The following SPEF1 variants were observed in gnomAD, a reference collection of about 807,000 sequenced individuals.
SPEF1 encodes sperm flagellar and cilia associated 1, also known as sperm flagella and cilia-associated protein 1.
SPEF1 carries 30 observed loss-of-function variants against 31.8 expected under a neutral mutation model. The ratio of observed to expected loss-of-function variants is 0.94; its 90% CI spans 0.70 to 1.28. The LOEUF is 1.28. Among genes scored for constraint, SPEF1 ranks in the 50% most tolerant of loss-of-function variants. The probability of loss-of-function intolerance (pLI) is 0.00; values close to 1 mark genes in which losing one functional copy is unlikely to be tolerated. For synonymous variants in SPEF1, 126 were observed against 130.1 expected, an observed-to-expected ratio of 0.97 and a Z score of 0.21; for missense variants, 298 against 309.6, an observed-to-expected ratio of 0.96 and a Z score of 0.28.
intron 6 of SPEF1, 27 bp downstream of exon 6, chr20:3,778,394 C>A: frequency 6.2e-7 from 1 of 1,613,872 alleles, no homozygotes; most frequent in Non-Finnish European, 8.5e-7. Context: ...CGCGAGCCCC[C>A]ACCCGCAGCC....
At chr20:3,779,388 T>G in intron 2 of SPEF1, 36 bp from the exon 3 acceptor site, 3 of 1,553,266 alleles carry the variant, frequency 1.9e-6, no homozygotes, top group Non-Finnish European at 2.6e-6. Context: ...GATTGGGTCC[T>G]GGGGAAATGA....
chr20:3,779,595 A>C (rs895044897), intron 2 of SPEF1, 69 bp downstream of exon 2: 12 of 1,206,606 alleles, frequency 9.9e-6, no homozygotes, highest in Admixed American at 1.7e-5. Context: ...CCACCCTGCC[A>C]CCAAAACAGT....
rs2088754564 is a variant in SPEF1 at position 3,777,941 on chromosome 20, G to A, written c.*271C>T. On this transcript the variant is annotated 3_prime_UTR_variant, in exon 7 of 7. Coordinates refer to ENST00000379756, the MANE Select transcript of SPEF1 (RefSeq NM_015417.5). This position sits in a 1 kb window ranked among gnomAD's most constrained non-coding sequence, Gnocchi z 4.1. ...GGGACAGGCTAGGTCTCTGCACGTG[G>A]CTTCTGGGCTCTGGAAAGCGGTCCA... The A allele has an allele frequency of 2.3e-6, 1 of 438,004 alleles. No homozygotes were observed. Among genetic ancestry groups the A allele is most frequent in the African/African-American group, 2.1e-5 (1 of 48,040 alleles). 27.1% of individuals were successfully genotyped at this position (438,004 alleles called of 1,614,324 possible). A position where few individuals can be genotyped will look rare whatever the true frequency, so the allele number is the denominator to read the frequency against.
chr20:3,779,216 G>C lies in SPEF1; in HGVS notation c.358C>G (p.Gln120Glu). ...GGCACCTGTAAGGAGCCGGCGCCCT[G>C]CTTCCTGCGCCTCTGCCTCTCCTCC... ...RLEERQRRRK[Q>E]GAGSLQELAP... Residue 120 changes from glutamine (Q) to glutamate (E), a missense_variant, in exon 3 of 7, where the codon CAG (glutamine) becomes GAG (glutamate). Coordinates refer to ENST00000379756, the MANE Select transcript of SPEF1 (RefSeq NM_015417.5). The C allele has an allele frequency of 6.3e-7, 1 of 1,579,146 alleles. No homozygotes were observed. The highest frequency in any genetic ancestry group is 8.6e-7 in the Non-Finnish European group (1 of 1,160,366).
intron 1 of SPEF1, 80 bp downstream of exon 1, chr20:3,781,099 A>G: frequency 1.9e-6 from 3 of 1,576,016 alleles, no homozygotes; most frequent in East Asian, 4.5e-5. Context: ...CCACAAGCAC[A>G]CAAACACAAA....
intron 2 of SPEF1, 89 bp from the exon 3 acceptor site, chr20:3,779,441 G>T: frequency 8.3e-7 from 1 of 1,200,764 alleles, no homozygotes; most frequent in Non-Finnish European, 1.2e-6. Flanking sequence ...GGTGGTTGCT[G>T]TTCTGAGTGT....
Position 3,779,336 on chromosome 20 carries a change from G to A in SPEF1, c.238C>T (p.Leu80=), listed in dbSNP as rs1382648758. The part of the protein sequence containing the change: ...GHLNRKVLKR[L]NFSVPDDVMR... ...ACGTCATCCGGTACTGAAAAGTTCA[G>A]CCTCTTCAGTACCTTCCTGAGGGGT... The change falls in exon 3 of 7, where the codon CTG becomes TTG. Residue 80 remains leucine, a synonymous_variant. Coordinates refer to ENST00000379756, the MANE Select transcript of SPEF1 (RefSeq NM_015417.5). The A allele has an allele frequency of 6.3e-7, 1 of 1,598,404 alleles. No individual in the cohort carries two copies. Among genetic ancestry groups the A allele is most frequent in the Admixed American group, 1.7e-5 (1 of 58,620 alleles).
At chr20:3,779,092 C>T (rs1389392742) in intron 3 of SPEF1, 102 bp from the exon 4 acceptor site, 1 of 1,583,134 alleles carries the variant, frequency 6.3e-7, no homozygotes, top group East Asian at 2.3e-5. Context: ...ATTAGCCAAG[C>T]ACCCCTCCCC....
In SPEF1 at chr20:3,778,550, G is replaced by C; in HGVS notation, c.480-6C>G. ...GCGCCGGCGGCCGGTCCCAGCTGGGGTGGGAAGCAGCTTAGCGGAGGCTTG... is the reference window on the plus strand; with the variant it reads ...GCGCCGGCGGCCGGTCCCAGCTGGGCTGGGAAGCAGCTTAGCGGAGGCTTG... On this transcript the variant is annotated splice_polypyrimidine_tract_variant and splice_region_variant and intron_variant, in intron 5 of 6. Coordinates refer to ENST00000379756, the MANE Select transcript of SPEF1 (RefSeq NM_015417.5). The C allele has an allele frequency of 6.2e-7, 1 of 1,604,634 alleles. No homozygotes were observed. The highest frequency in any genetic ancestry group is 8.5e-7 in the Non-Finnish European group (1 of 1,177,340).
rs1352880535 is a variant in SPEF1, at chr20:3,781,221, A to G, written c.67T>C (p.Ser23Pro). The G allele has an allele frequency of 6.2e-7, 1 of 1,614,198 alleles. No homozygotes were observed. The highest frequency in any genetic ancestry group is 1.7e-5 in the Admixed American group (1 of 60,028). ...CGGGAGAGGTTTCGCTTGGGCCGGG[A>G]CAGAGGGATGTTGTCTACCCACAGG... The part of the protein sequence containing the change: ...LYLWVDNIPL[S>P]RPKRNLSRDF... The change falls in exon 1 of 7, where the codon TCC becomes CCC. Residue 23 changes from serine to proline, a missense_variant. By Grantham distance (74) the Ser-to-Pro change is moderately conservative. Transcript: ENST00000379756.
In SPEF1 at chr20:3,778,221, C is replaced by T. The variant is rs1433093224; in HGVS notation, c.702G>A (p.Lys234=). The change falls in exon 7 of 7, where the codon AAG becomes AAA. Residue 234 remains lysine (K), a synonymous_variant. Coordinates refer to ENST00000379756, the MANE Select transcript of SPEF1 (RefSeq NM_015417.5). The stretch of plus-strand genomic sequence containing the variant: ...CGGCCCGGGCCGCCGCTCACCGCTG[C>T]TTACGCTCCGCCTGCTGGAGCCGCC... ...LSRRLQQAER[K]QR is the part of the protein sequence containing the mutation. The T allele has an allele frequency of 6.3e-7, 1 of 1,590,886 alleles. No homozygotes were observed. The highest frequency in any genetic ancestry group is 2.3e-5 in the East Asian group (1 of 43,526).
chr20:3,780,095 TGGGAGGCTGAGGCG>T (rs577987434), intron 1 of SPEF1, among the ~76,000 whole-genome samples: 248 of 152,000 alleles, frequency 1.6e-3, no homozygotes, highest in Non-Finnish European at 3.0e-3. Flanking sequence ...CCCAACACTT[TGGGAGGCTGAGGCG>T]GGTAGATCAC....
At position 3,778,231 on chromosome 20, in the gene SPEF1, G is replaced by A. The variant is rs1401892494; in HGVS notation, c.692C>T (p.Ala231Val). ...IEDLSRRLQQ[A>V]ERKQR ...CGCCGCTCACCGCTGCTTACGCTCC[G>A]CCTGCTGGAGCCGCCGGGAGAGGTC... Residue 231 changes from alanine to valine, a missense_variant, in exon 7 of 7, where the codon GCG (alanine) becomes GTG (valine). Coordinates refer to ENST00000379756, the MANE Select transcript of SPEF1 (RefSeq NM_015417.5). 1 of 1,599,042 alleles carries A rather than the reference G, an allele frequency of 6.3e-7. No individual in the cohort carries two copies. Among genetic ancestry groups the A allele is most frequent in the East Asian group, 2.3e-5 (1 of 44,010 alleles).
intron 6 of SPEF1, 23 bp from the exon 7 acceptor site, chr20:3,778,342 C>A: frequency 1.2e-6 from 2 of 1,612,418 alleles, no homozygotes; most frequent in Non-Finnish European, 1.7e-6. Context: ...GCGCAGGCGT[C>A]AAGCCTGGCG....
rs73080491 is a variant in SPEF1, at chr20:3,780,956, C to G, written c.109+223G>C. ...CCCTGGAGGGAGTTAGAGGCACCCCCCCCAACATGCACACAGGATAGAACA... is the reference window on the plus strand; with the variant it reads ...CCCTGGAGGGAGTTAGAGGCACCCCGCCCAACATGCACACAGGATAGAACA... On this transcript the variant is annotated intron_variant, in intron 1 of 6. Coordinates refer to ENST00000379756, the MANE Select transcript of SPEF1 (RefSeq NM_015417.5). Among the ~76,000 whole-genome samples, 773 of 152,230 alleles carry G rather than the reference C, an allele frequency of 5.1e-3. 4 individuals carry two copies. The highest frequency in any genetic ancestry group is 8.4e-3 in the Non-Finnish European group (571 of 68,000).
rs893165900 is a variant in SPEF1 at position 3,778,302 on chromosome 20, T to C, written c.621A>G (p.Val207=). 6.2e-7 allele frequency: 1 copy of C among 1,612,528 alleles called. No homozygotes were observed. Among genetic ancestry groups the C allele is most frequent in the Non-Finnish European group, 8.5e-7 (1 of 1,179,032 alleles). ...QETVQVLQMK[V]RRLEHLLQLK... The stretch of plus-strand genomic sequence containing the variant: ...GCTGGAGCAGGTGCTCCAGGCGCCT[T>C]ACCTTCATCTGCAGGACCTAAGCCG... Residue 207 remains valine, a synonymous_variant, in exon 7 of 7, where the codon GTA becomes GTG. Coordinates refer to ENST00000379756, the MANE Select transcript of SPEF1 (RefSeq NM_015417.5).
rs1231827334 is a variant in SPEF1 at position 3,781,162 on chromosome 20, C to CTCT, written c.109+16_109+17insAGA. 6.2e-7 allele frequency: 1 copy of CTCT among 1,614,034 alleles called. No individual in the cohort carries two copies. Among genetic ancestry groups the CTCT allele is most frequent in the South Asian group, 1.1e-5 (1 of 91,078 alleles). ...GAACATACAGGACAGAACATGCAGA[C>CTCT]ACACAAGGGCACACACCTCCATCGC... On this transcript the variant is annotated intron_variant, in intron 1 of 6. Coordinates refer to ENST00000379756, the MANE Select transcript of SPEF1 (RefSeq NM_015417.5).
chr20:3,779,556 C>G, intron 2 of SPEF1, 108 bp downstream of exon 2: 1 of 946,358 alleles, frequency 1.1e-6, no homozygotes, highest in Non-Finnish European at 1.7e-6. Context: ...ATTTTGTAAT[C>G]GGACGAATTC....
intron 4 of SPEF1, 42 bp from the exon 5 acceptor site, chr20:3,778,848 A>T: frequency 6.2e-7 from 1 of 1,612,286 alleles, no homozygotes; most frequent in Middle Eastern, 1.7e-4. Context: ...CTGGAGTCTC[A>T]TTCTCCTGCT....
Sources: allele counts gnomAD v4.1 joint callset (sites outside exome capture counted in the v4.1 genomes callset), GRCh38; gene constraint gnomAD v4.1.1; non-coding constraint Gnocchi (gnomAD v3.1); transcripts MANE v1.5; gene names NCBI Gene and HGNC (gene_info 2026-07-23, HGNC 2026-07-21).